RNF17: variants seen among roughly 807,000 people sequenced by gnomAD.
The protein encoded by RNF17 is ring finger protein 17.
Under a neutral mutation model 200.5 loss-of-function variants are expected in RNF17, and 31 were observed. That is an observed-to-expected ratio of 0.15 (90% CI 0.12 to 0.21). RNF17 has a LOEUF of 0.21. Ranked by LOEUF, RNF17 falls within the 10% of genes least tolerant of loss-of-function variation. The pLI, the probability that RNF17 is intolerant of heterozygous loss-of-function variation, is 1.00. For synonymous variants in RNF17, 606 were observed against 637.8 expected, an observed-to-expected ratio of 0.95 and a Z score of 0.75; for missense variants, 1,628 against 1,905.1, an observed-to-expected ratio of 0.85 and a Z score of 2.71.
At chr13:24,824,145 T>C in intron 15 of RNF17, 1 of 705,822 alleles carries the variant, frequency 1.4e-6, no homozygotes, top group Non-Finnish European at 2.6e-6. Flanking sequence ...AGAAAATTGC[T>C]TTTACTTCAT....
rs574410549 is a variant in RNF17, at chr13:24,814,219, T to G, written c.2091+9790T>G. Among the ~76,000 whole-genome samples, 12 of 152,202 alleles carry G rather than the reference T, an allele frequency of 7.9e-5. No homozygotes were observed. In the East Asian group the frequency reaches 2.3e-3, roughly 29 times the overall value. On this transcript the variant is annotated intron_variant, in intron 15 of 35. Coordinates refer to ENST00000255324, the MANE Select transcript of RNF17 (RefSeq NM_031277.3). ...TGAATAGGCTGAGGAAGAGCAGAAG[T>G]TGGTCTTGCTGTCTCAGGTCTGGCA... is the stretch of plus-strand genomic sequence containing the variant.
At chr13:24,864,804 T>A in intron 28 of RNF17, 69 bp from the exon 29 acceptor site, 1 of 1,131,040 alleles carries the variant, frequency 8.8e-7, no homozygotes. Flanking sequence ...AAATTTGATA[T>A]TTGCTGACTA....
chr13:24,813,657 G>C (rs1473295601), intron 15 of RNF17, among the ~76,000 whole-genome samples: 1 of 151,934 alleles, frequency 6.6e-6, no homozygotes, highest in African/African-American at 2.4e-5. Context: ...TTGAGACAAG[G>C]TCCAGCACTG....
chr13:24,764,890 T>TGG (rs1566106095), intron 1 of RNF17, among the ~76,000 whole-genome samples: 3 of 8,706 alleles, frequency 3.4e-4, no homozygotes, highest in Non-Finnish European at 6.8e-4. Flanking sequence ...CCTTGTGGGG[T>TGG]GTGTGTGTGT....
the RNF17 span, chr13:24,885,220 A>G: frequency 2.0e-5 from 24 of 1,190,380 alleles, no homozygotes; most frequent in South Asian, 3.7e-5. Flanking sequence ...TGTTTCAACT[A>G]TTTTAACCCA....
upstream of RNF17, among the ~76,000 whole-genome samples, chr13:24,759,912 G>A (rs906406676): frequency 2.6e-5 from 4 of 152,056 alleles, no homozygotes; most frequent in East Asian, 1.9e-4. Context: ...AGGATGAGGC[G>A]GGTGGATAAC....
intron 7 of RNF17, among the ~76,000 whole-genome samples, 187 bp downstream of exon 7, chr13:24,788,346 A>G (rs557131181): frequency 6.6e-6 from 1 of 152,182 alleles, no homozygotes; most frequent in Non-Finnish European, 1.5e-5. Context: ...GAAATCTAAG[A>G]CAAACATTGT....
At chr13:24,778,433 C>G (rs745428351) in intron 4 of RNF17, 27 bp downstream of exon 4, 4 of 1,410,624 alleles carry the variant, frequency 2.8e-6, no homozygotes, top group Middle Eastern at 1.8e-4. Flanking sequence ...TCATGAAGTA[C>G]GATGAAGGCA....
chr13:24,873,858 C>T lies in RNF17; in HGVS notation c.4448-256C>T, dbSNP rs74914305. ...TCTTATCTTAGTTAATATAATGATC[C>T]ATCCATGTTGCTGCAAATAACAGGA... On this transcript the variant is annotated intron_variant, in intron 32 of 35. Coordinates refer to ENST00000255324, the MANE Select transcript of RNF17 (RefSeq NM_031277.3). Among the ~76,000 whole-genome samples, 686 of 152,252 alleles carry T rather than the reference C, an allele frequency of 4.5e-3. 6 individuals are homozygous for T. Among genetic ancestry groups the T allele is most frequent in the African/African-American group, 0.015 (639 of 41,544 alleles).
intron 30 of RNF17, among the ~76,000 whole-genome samples, chr13:24,867,282 T>C (rs191513521): frequency 1.6e-4 from 24 of 152,344 alleles, no homozygotes; most frequent in Admixed American, 3.3e-4. Flanking sequence ...CTTGCCTTTT[T>C]GCAGAGTAGC....
chr13:24,850,324 A>G lies in RNF17; in HGVS notation c.3102-17A>G, dbSNP rs772900199. 1 of 1,559,558 alleles carries G rather than the reference A, an allele frequency of 6.4e-7. No homozygotes were observed. Among genetic ancestry groups the G allele is most frequent in the Non-Finnish European group, 8.8e-7 (1 of 1,132,234 alleles). ...TGCTATTTTTATAAAACAAGTTGCCACTGTTTTCTGTTGTAGACCAGCTGG... is the reference window on the plus strand; with the variant it reads ...TGCTATTTTTATAAAACAAGTTGCCGCTGTTTTCTGTTGTAGACCAGCTGG... On this transcript the variant is annotated splice_polypyrimidine_tract_variant and intron_variant, in intron 22 of 35. Transcript: ENST00000255324.
chr13:24,822,493 C>A, intron 15 of RNF17, among the ~76,000 whole-genome samples: 1 of 151,818 alleles, frequency 6.6e-6, no homozygotes, highest in East Asian at 1.9e-4. Context: ...ATGATCTTGG[C>A]TGACTGCAAC....
At chr13:24,782,317 A>C (rs939720373) in intron 6 of RNF17, among the ~76,000 whole-genome samples, 31 of 151,800 alleles carry the variant, frequency 2.0e-4, no homozygotes, top group African/African-American at 7.3e-4. Context: ...CTGGAACTAC[A>C]AGCCCACACC....
chr13:24,838,898 G>A (rs1333132663), intron 18 of RNF17, among the ~76,000 whole-genome samples: 1 of 152,114 alleles, frequency 6.6e-6, no homozygotes, highest in African/African-American at 2.4e-5. Flanking sequence ...GTTTGCTGAT[G>A]ATATGATTGT....
downstream of RNF17, chr13:24,884,353 G>A (rs548716427): frequency 2.0e-5 from 32 of 1,614,064 alleles, no homozygotes; most frequent in South Asian, 2.1e-4. Context: ...CCTGCTTCAC[G>A]TCACCATTAA....
intron 18 of RNF17, among the ~76,000 whole-genome samples, chr13:24,833,782 A>G (rs750087079): frequency 2.6e-5 from 4 of 152,232 alleles, no homozygotes; most frequent in Non-Finnish European, 5.9e-5. Context: ...CAAGACCTTT[A>G]TAATAAAGTG....
chr13:24,886,330 C>T, the RNF17 span: 66 of 1,289,148 alleles, frequency 5.1e-5, no homozygotes, highest in African/African-American at 3.3e-4. Context: ...AGGAGGAGAG[C>T]GGAGGCAGGT....
intron 10 of RNF17, 43 bp downstream of exon 10, chr13:24,793,389 G>C (rs770153808): frequency 1.3e-6 from 2 of 1,502,828 alleles, no homozygotes; most frequent in Admixed American, 4.3e-5. Flanking sequence ...TCTTGTATCT[G>C]TAATTAGACA....
chr13:24,858,939 T>C (rs1892806901), intron 25 of RNF17, 62 bp from the exon 26 acceptor site: 1 of 1,068,240 alleles, frequency 9.4e-7, no homozygotes, highest in Non-Finnish European at 1.3e-6. Flanking sequence ...AATGAAGTTA[T>C]TAAATTGACA....
Sources: gnomAD v4.1 joint callset for allele counts (sites outside exome capture counted in the v4.1 genomes callset) on GRCh38, gnomAD v4.1.1 for gene constraint, MANE v1.5 for transcripts, NCBI Gene and HGNC (gene_info 2026-07-23, HGNC 2026-07-21) for gene names.